MALRD1: variants seen among roughly 807,000 people sequenced by gnomAD.
The protein encoded by MALRD1 is MAM and LDL-receptor class A domain-containing protein 1.
Under a neutral mutation model 242.1 loss-of-function variants are expected in MALRD1, and 247 were observed. The ratio of observed to expected loss-of-function variants is 1.02; its 90% CI spans 0.92 to 1.13. The LOEUF (loss-of-function observed/expected upper bound fraction) is 1.13. MALRD1 is among the 50% of genes most tolerant of loss of function. The pLI is 0.00. For synonymous variants in MALRD1, 995 were observed against 866.6 expected, an observed-to-expected ratio of 1.15 and a Z score of -2.60; for missense variants, 2,989 against 2,533.1, an observed-to-expected ratio of 1.18 and a Z score of -3.86.
intron 26 of MALRD1, among the ~76,000 whole-genome samples, chr10:19,360,029 AT>A (rs1331324486): frequency 1.3e-5 from 2 of 152,114 alleles, no homozygotes; most frequent in Non-Finnish European, 2.9e-5. Context: ...CCTTATAATT[AT>A]CCCCATTTAC....
chr10:19,220,401 TA>T (rs1277659499), intron 18 of MALRD1, among the ~76,000 whole-genome samples: 1 of 152,130 alleles, frequency 6.6e-6, no homozygotes, highest in Non-Finnish European at 1.5e-5. Flanking sequence ...CAATAACTTC[TA>T]AAAATGATTC....
In MALRD1 at chr10:19,588,150, AT is replaced by A. The variant is rs202171266; in HGVS notation, c.5681-7035del. On this transcript the variant is annotated intron_variant, in intron 33 of 39. Transcript: ENST00000454679. ...AGTTTATATTCAAATATATTCGAAA[AT>A]TTTTTTTTAAAGACCTTTCCAATTT... 2.9e-3 allele frequency among the ~76,000 whole-genome samples: 441 copies of A among 151,596 alleles called. 7 individuals are homozygous for A. The East Asian group carries it at 0.058, about 20-fold the overall frequency.
chr10:19,513,600 G>A (rs556649607), intron 31 of MALRD1, among the ~76,000 whole-genome samples: 6 of 152,046 alleles, frequency 3.9e-5, no homozygotes, highest in East Asian at 1.9e-4. Flanking sequence ...TTAGCCAGGC[G>A]TGGTAGCGGG....
upstream of MALRD1, among the ~76,000 whole-genome samples, chr10:19,048,127 A>G (rs1834385088): frequency 6.6e-6 from 1 of 152,180 alleles, no homozygotes; most frequent in Non-Finnish European, 1.5e-5. Context: ...ATCGTGATGA[A>G]TTGACAGGTG....
At chr10:19,254,319 G>T (rs1839416185) in intron 18 of MALRD1, among the ~76,000 whole-genome samples, 1 of 151,892 alleles carries the variant, frequency 6.6e-6, no homozygotes. Context: ...GTATTCTATT[G>T]TATGAATATA....
chr10:19,101,831 T>G (rs1476941408), intron 4 of MALRD1, among the ~76,000 whole-genome samples: 5 of 136,588 alleles, frequency 3.7e-5, no homozygotes, highest in Non-Finnish European at 6.1e-5. Flanking sequence ...ATAAATATGT[T>G]ATATCTCTAC....
chr10:19,617,437 A>C (rs563919814), intron 36 of MALRD1, among the ~76,000 whole-genome samples: 1 of 152,082 alleles, frequency 6.6e-6, no homozygotes, highest in Admixed American at 6.6e-5. Context: ...ATGAACATCA[A>C]TGCAAACAAA....
intron 36 of MALRD1, among the ~76,000 whole-genome samples, chr10:19,670,866 C>T (rs1841884127): frequency 6.6e-6 from 1 of 151,168 alleles, no homozygotes; most frequent in African/African-American, 2.4e-5. Context: ...CTTTATTTCT[C>T]AACAAAACAA....
At chr10:19,380,305 C>T (rs1304642840) in intron 26 of MALRD1, among the ~76,000 whole-genome samples, 1 of 149,864 alleles carries the variant, frequency 6.7e-6, no homozygotes, top group African/African-American at 2.5e-5. Context: ...TTGAATGACC[C>T]TTTATTACTG....
At chr10:19,262,003 A>G (rs1238298139) in intron 19 of MALRD1, among the ~76,000 whole-genome samples, 4 of 152,082 alleles carry the variant, frequency 2.6e-5, no homozygotes, top group African/African-American at 7.2e-5. Flanking sequence ...AATGTTATTA[A>G]TATTCCCCAA....
intron 1 of MALRD1, among the ~76,000 whole-genome samples, chr10:19,057,075 A>T (rs4348796): frequency 0.032 from 4,866 of 152,160 alleles, 252 homozygotes; most frequent in African/African-American, 0.11. Context: ...TCAGTTTGCA[A>T]ATATTTTGTT....
intron 21 of MALRD1, among the ~76,000 whole-genome samples, chr10:19,288,801 A>G (rs1343601498): frequency 6.6e-6 from 1 of 152,230 alleles, no homozygotes; most frequent in South Asian, 2.1e-4. Context: ...CCCTCTCCAC[A>G]GTTAAAACTT....
chr10:19,656,395 A>C (rs1480833392), intron 36 of MALRD1, among the ~76,000 whole-genome samples: 1 of 152,170 alleles, frequency 6.6e-6, no homozygotes, highest in Non-Finnish European at 1.5e-5. Flanking sequence ...GAGAACAATA[A>C]TCAGATACAT....
At chr10:19,398,219 A>G (rs556046781) in intron 28 of MALRD1, among the ~76,000 whole-genome samples, 33 of 152,208 alleles carry the variant, frequency 2.2e-4, no homozygotes, top group Admixed American at 2.1e-3. Flanking sequence ...TTGAGGTCTT[A>G]TCCAAAAAAA....
At chr10:19,407,894 CA>C (rs1833107042) in intron 28 of MALRD1, among the ~76,000 whole-genome samples, 1 of 152,048 alleles carries the variant, frequency 6.6e-6, no homozygotes. Flanking sequence ...GAGGTATAAG[CA>C]AAAATGTTCA....
At chr10:19,405,046 A>C (rs1847031064) in intron 28 of MALRD1, among the ~76,000 whole-genome samples, 1 of 152,146 alleles carries the variant, frequency 6.6e-6, no homozygotes, top group African/African-American at 2.4e-5. Context: ...CAACAAAAAA[A>C]CCTGTGAAAG....
chr10:19,270,345 C>G (rs1338554301), intron 19 of MALRD1, among the ~76,000 whole-genome samples: 2 of 122,190 alleles, frequency 1.6e-5, no homozygotes, highest in African/African-American at 7.2e-5. Context: ...CTCACACACA[C>G]ACACACACAC....
chr10:19,625,081 A>T (rs1017053919), intron 36 of MALRD1, among the ~76,000 whole-genome samples: 3 of 145,632 alleles, frequency 2.1e-5, no homozygotes, highest in African/African-American at 5.0e-5. Context: ...AGAGAGAGAC[A>T]TGAGACATGG....
chr10:19,311,402 C>T (rs978313454), intron 21 of MALRD1, among the ~76,000 whole-genome samples: 1 of 151,270 alleles, frequency 6.6e-6, no homozygotes, highest in African/African-American at 2.4e-5. Flanking sequence ...TCTAAATTTC[C>T]TGCTGGTGTT....
Sources: allele counts gnomAD v4.1 joint callset (sites outside exome capture counted in the v4.1 genomes callset), GRCh38; gene constraint gnomAD v4.1.1; transcripts MANE v1.5; gene names NCBI Gene and HGNC (gene_info 2026-07-23, HGNC 2026-07-21).